Variants in ASAP1 observed in about 807,000 individuals in gnomAD.
The protein encoded by ASAP1 is arf-GAP with SH3 domain, ANK repeat and PH domain-containing protein 1.
Under a neutral mutation model 145.2 loss-of-function variants are expected in ASAP1, and 43 were observed. The observed-to-expected ratio is 0.30, with a 90% CI of 0.23 to 0.38. The LOEUF (loss-of-function observed/expected upper bound fraction) is 0.38, where lower values mean the gene tolerates loss of function less well. ASAP1 is among the 10% of genes least tolerant of loss of function. The pLI is 1.00. For missense variants in ASAP1, 1,018 were observed against 1,355.3 expected (o/e 0.75, Z 3.91); for synonymous variants, 546 against 515.5 (o/e 1.06, Z -0.80).
intron 5 of ASAP1, among the ~76,000 whole-genome samples, chr8:130,213,516 T>A (rs117072341): frequency 4.7e-4 from 72 of 152,296 alleles, no homozygotes; most frequent in Non-Finnish European, 8.4e-4. Flanking sequence ...GAAGCCTATG[T>A]GATACATGAA....
intron 13 of ASAP1, 36 bp downstream of exon 13, chr8:130,152,700 G>A: frequency 6.5e-7 from 1 of 1,529,588 alleles, no homozygotes; most frequent in Non-Finnish European, 9.0e-7. Context: ...TTGCTTTCTG[G>A]CCCATGAGGC....
chr8:130,140,852 C>T (rs1009012366), intron 13 of ASAP1, among the ~76,000 whole-genome samples: 5 of 152,196 alleles, frequency 3.3e-5, no homozygotes, highest in African/African-American at 4.8e-5. Flanking sequence ...AGCTGACTTA[C>T]CCAGGGCTGA....
At chr8:130,411,038 T>C (rs1829244815) in intron 1 of ASAP1, among the ~76,000 whole-genome samples, 1 of 152,124 alleles carries the variant, frequency 6.6e-6, no homozygotes, top group African/African-American at 2.4e-5. Context: ...TTTTCGTATT[T>C]TGAGTAGAGA....
At chr8:130,140,016 T>G (rs746115017) in intron 13 of ASAP1, among the ~76,000 whole-genome samples, 18 of 148,886 alleles carry the variant, frequency 1.2e-4, no homozygotes, top group Non-Finnish European at 2.2e-4. Flanking sequence ...TCTCATTTCT[T>G]TCTTTTTCTT....
intron 12 of ASAP1, among the ~76,000 whole-genome samples, chr8:130,158,963 C>A (rs1432461115): frequency 1.3e-5 from 2 of 152,066 alleles, no homozygotes; most frequent in Non-Finnish European, 2.9e-5. Context: ...GATCTCCTGA[C>A]CTCGTGATCT....
chr8:130,118,026 G>A (rs1592841992), intron 20 of ASAP1, 135 bp downstream of exon 20: 3 of 645,160 alleles, frequency 4.7e-6, no homozygotes, highest in East Asian at 6.2e-5. Flanking sequence ...TGCCTGCAAA[G>A]CCAAAAATAA....
rs2097558741 is a variant in ASAP1 at position 130,117,766 on chromosome 8, C to G, written c.1880+395G>C. Among the ~76,000 whole-genome samples the G allele has an allele frequency of 2.0e-5, 3 of 152,286 alleles. No homozygotes were observed. The South Asian group carries it at 6.2e-4, about 32-fold the overall frequency. On this transcript the variant is annotated intron_variant, in intron 20 of 29. Coordinates refer to ENST00000518721, the MANE Select transcript of ASAP1 (RefSeq NM_018482.4). ...GCTGTTAAGTCTTCTCTCTTTTAACCTCTCCTAACGGTTAGCAAATGTGTC... is the reference window on the plus strand; with the variant it reads ...GCTGTTAAGTCTTCTCTCTTTTAACGTCTCCTAACGGTTAGCAAATGTGTC...
In ASAP1 at chr8:130,147,671, G is replaced by A. The variant is rs76705697; in HGVS notation, c.1080+5065C>T. On this transcript the variant is annotated intron_variant, in intron 13 of 29. Coordinates refer to ENST00000518721, the MANE Select transcript of ASAP1 (RefSeq NM_018482.4). ...GTACAAGTTAAGTAGCTTAATAAAA[G>A]GCACATACAATAAGATCCTGAATGG... Among the ~76,000 whole-genome samples the A allele has an allele frequency of 1.5e-4, 23 of 152,260 alleles. No homozygotes were observed. The East Asian group carries it at 4.2e-3, about 28-fold the overall frequency.
At chr8:130,170,245 G>A (rs548375823) in intron 9 of ASAP1, among the ~76,000 whole-genome samples, 46 of 151,760 alleles carry the variant, frequency 3.0e-4, no homozygotes, top group Non-Finnish European at 5.4e-4. Flanking sequence ...GGAGTGCAGC[G>A]GCGTGATCTC....
intron 24 of ASAP1, among the ~76,000 whole-genome samples, chr8:130,098,772 ATTTC>A (rs1388049132): frequency 1.3e-5 from 2 of 152,344 alleles, no homozygotes; most frequent in South Asian, 2.1e-4. Context: ...AAGATTTATC[ATTTC>A]TTTGTGTTGT....
intron 4 of ASAP1, among the ~76,000 whole-genome samples, chr8:130,225,049 T>C (rs1031163031): frequency 6.6e-6 from 1 of 152,238 alleles, no homozygotes; most frequent in Non-Finnish European, 1.5e-5. Context: ...AAACTGCCTA[T>C]AGTAAGCCTA....
At chr8:130,419,809 T>C (rs945381854) in intron 1 of ASAP1, among the ~76,000 whole-genome samples, 3 of 152,194 alleles carry the variant, frequency 2.0e-5, no homozygotes, top group South Asian at 2.1e-4. Context: ...GTTTCAGCTC[T>C]GGCCAGGGCT....
intron 4 of ASAP1, among the ~76,000 whole-genome samples, chr8:130,226,107 C>T (rs1428351085): frequency 6.6e-6 from 1 of 151,566 alleles, no homozygotes; most frequent in East Asian, 1.9e-4. Flanking sequence ...CAAAATCCAG[C>T]CCTCAGGCAA....
chr8:130,140,041 T>G (rs1464055041), intron 13 of ASAP1, among the ~76,000 whole-genome samples: 1 of 150,434 alleles, frequency 6.6e-6, no homozygotes, highest in African/African-American at 2.4e-5. Context: ...CTTTTTGTTT[T>G]TTTTTTTTTG....
At chr8:130,288,598 A>AG (rs1424560638) in intron 3 of ASAP1, among the ~76,000 whole-genome samples, 3 of 152,208 alleles carry the variant, frequency 2.0e-5, no homozygotes, top group African/African-American at 7.2e-5. Context: ...GACCCTAAGC[A>AG]GGGCAGTGTA....
chr8:130,410,204 T>C (rs966513491), intron 1 of ASAP1, among the ~76,000 whole-genome samples: 2 of 152,224 alleles, frequency 1.3e-5, no homozygotes, highest in African/African-American at 4.8e-5. Flanking sequence ...AGACGTGGTC[T>C]CTGCTTAAGG....
intron 3 of ASAP1, among the ~76,000 whole-genome samples, chr8:130,325,846 C>T (rs948398661): frequency 6.6e-6 from 1 of 152,070 alleles, no homozygotes; most frequent in South Asian, 2.1e-4. Context: ...CGAGAAGAGA[C>T]CACAAAACAT....
At chr8:130,283,182 C>T (rs902282889) in intron 3 of ASAP1, among the ~76,000 whole-genome samples, 9 of 152,188 alleles carry the variant, frequency 5.9e-5, no homozygotes, top group Non-Finnish European at 1.5e-5. Context: ...AATATATCCA[C>T]ACCAGCTGGA....
At chr8:130,179,125 T>C (rs1444070653) in intron 9 of ASAP1, 139 bp downstream of exon 9, 2 of 530,022 alleles carry the variant, frequency 3.8e-6, no homozygotes, top group Non-Finnish European at 6.8e-6. Flanking sequence ...CTATTTCTTA[T>C]CCATTTAGCT....
Sources: gnomAD v4.1 joint callset for allele counts (sites outside exome capture counted in the v4.1 genomes callset) on GRCh38, gnomAD v4.1.1 for gene constraint, MANE v1.5 for transcripts, NCBI Gene and HGNC (gene_info 2026-07-23, HGNC 2026-07-21) for gene names.